NSMCE2: variants seen among roughly 807,000 people sequenced by gnomAD.
The protein encoded by NSMCE2 is NSE2 SUMO ligase component of SMC5/6 complex.
Under a neutral mutation model 23.8 loss-of-function variants are expected in NSMCE2, and 24 were observed. The ratio of observed to expected loss-of-function variants is 1.01; its 90% CI spans 0.73 to 1.42. NSMCE2 has a LOEUF of 1.42. NSMCE2 is among the 40% of genes most tolerant of loss of function. NSMCE2 has a pLI of 0.00. For missense variants in NSMCE2, 284 were observed against 296.5 expected (o/e 0.96, Z 0.31); for synonymous variants, 92 against 94.1 (o/e 0.98, Z 0.13).
intron 5 of NSMCE2, among the ~76,000 whole-genome samples, chr8:125,223,163 C>G (rs1282352116): frequency 6.6e-6 from 1 of 151,850 alleles, no homozygotes; most frequent in African/African-American, 2.4e-5. Flanking sequence ...TGAGACCAAC[C>G]TGAGCAACAT....
intron 1 of NSMCE2, among the ~76,000 whole-genome samples, chr8:125,096,522 T>A (rs1308086759): frequency 6.6e-6 from 1 of 152,070 alleles, no homozygotes; most frequent in East Asian, 1.9e-4. Context: ...ATTTTTTTCT[T>A]GAGTTTCTAG....
chr8:125,144,973 A>G (rs1397831278), intron 3 of NSMCE2, among the ~76,000 whole-genome samples: 1 of 152,174 alleles, frequency 6.6e-6, no homozygotes, highest in Non-Finnish European at 1.5e-5. Flanking sequence ...GACTGCTTAG[A>G]TTGCATAATT....
intron 5 of NSMCE2, among the ~76,000 whole-genome samples, chr8:125,246,681 G>A (rs1825976514): frequency 6.6e-6 from 1 of 152,182 alleles, no homozygotes; most frequent in South Asian, 2.1e-4. Flanking sequence ...GCATGGAAAT[G>A]TCTTGTGAAA....
At chr8:125,255,607 G>A (rs1826372715) in intron 5 of NSMCE2, among the ~76,000 whole-genome samples, 1 of 152,164 alleles carries the variant, frequency 6.6e-6, no homozygotes, top group Non-Finnish European at 1.5e-5. Flanking sequence ...GAGCACTTAG[G>A]TGTTGCTGGA....
At chr8:125,210,026 A>G (rs968422151) in intron 5 of NSMCE2, among the ~76,000 whole-genome samples, 6 of 152,218 alleles carry the variant, frequency 3.9e-5, no homozygotes, top group Non-Finnish European at 8.8e-5. Context: ...TCTCTACAGA[A>G]TAGTCACAGT....
At chr8:125,110,014 C>A (rs1352607871) in intron 3 of NSMCE2, among the ~76,000 whole-genome samples, 1 of 151,946 alleles carries the variant, frequency 6.6e-6, no homozygotes, top group African/African-American at 2.4e-5. Flanking sequence ...ACCTAATTAA[C>A]TGGAATTATT....
intron 5 of NSMCE2, among the ~76,000 whole-genome samples, chr8:125,240,846 A>G (rs1825740408): frequency 1.3e-5 from 2 of 152,194 alleles, no homozygotes; most frequent in Admixed American, 1.3e-4. Flanking sequence ...AAAAAAAGGT[A>G]TATAAACACA....
chr8:125,137,740 A>G (rs1371319592), intron 3 of NSMCE2, among the ~76,000 whole-genome samples: 2 of 152,222 alleles, frequency 1.3e-5, no homozygotes, highest in African/African-American at 4.8e-5. Context: ...GTTATTTAAT[A>G]GGTCCTGATT....
intron 5 of NSMCE2, among the ~76,000 whole-genome samples, chr8:125,347,710 A>G (rs1298333528): frequency 3.3e-5 from 5 of 152,218 alleles, no homozygotes; most frequent in Admixed American, 1.3e-4. Flanking sequence ...GTGGGTATAG[A>G]CAGTGGATAT....
chr8:125,234,872 C>A (rs1355251381), intron 5 of NSMCE2, among the ~76,000 whole-genome samples: 2 of 152,154 alleles, frequency 1.3e-5, no homozygotes, highest in African/African-American at 2.4e-5. Flanking sequence ...CGCCTAATCC[C>A]CACCCCATCC....
In NSMCE2 at chr8:125,366,780, T is replaced by C. The variant is rs759934106; in HGVS notation, c.639T>C (p.Ile213=). ...KRKKKAYCPQ[I]GCSHTDIRKS... ...TTCTTTCTCACAGTTGCCCTCAAATTGGCTGTAGCCACACGGATATAAGAA... is the reference window on the plus strand; with the variant it reads ...TTCTTTCTCACAGTTGCCCTCAAATCGGCTGTAGCCACACGGATATAAGAA... The change falls in exon 8 of 8, where the codon ATT becomes ATC. Residue 213 remains isoleucine, a synonymous_variant. Coordinates refer to ENST00000287437, the MANE Select transcript of NSMCE2 (RefSeq NM_173685.4). 2.5e-6 allele frequency: 4 copies of C among 1,607,430 alleles called. No homozygotes were observed. In the South Asian group the frequency reaches 4.4e-5, roughly 18 times the overall value.
intron 4 of NSMCE2, among the ~76,000 whole-genome samples, chr8:125,171,532 G>A (rs1822205358): frequency 6.6e-6 from 1 of 152,122 alleles, no homozygotes; most frequent in African/African-American, 2.4e-5. Context: ...TTGGGGGAGG[G>A]TTAAATAAAA....
intron 5 of NSMCE2, among the ~76,000 whole-genome samples, chr8:125,240,137 T>G (rs1402486126): frequency 6.6e-6 from 1 of 151,278 alleles, no homozygotes; most frequent in Non-Finnish European, 1.5e-5. Context: ...TTTCTTTTTT[T>G]TTTTTTGAGA....
At chr8:125,101,498 T>C (rs1818187342) in intron 1 of NSMCE2, among the ~76,000 whole-genome samples, 1 of 152,208 alleles carries the variant, frequency 6.6e-6, no homozygotes, top group Non-Finnish European at 1.5e-5. Context: ...AAATACCCCT[T>C]TTTCTGCTGC....
intron 5 of NSMCE2, 115 bp from the exon 6 acceptor site, chr8:125,357,104 C>G: frequency 1.5e-6 from 1 of 671,074 alleles, no homozygotes; most frequent in Non-Finnish European, 2.6e-6. Flanking sequence ...CCAGTCCTTA[C>G]ATGGGGGCCA....
At chr8:125,105,211 T>C (rs1818398875) in intron 3 of NSMCE2, among the ~76,000 whole-genome samples, 1 of 152,238 alleles carries the variant, frequency 6.6e-6, no homozygotes, top group Admixed American at 6.5e-5. Context: ...CATACAGTTA[T>C]TCATTTACGG....
chr8:125,250,047 T>G (rs901800435), intron 5 of NSMCE2, among the ~76,000 whole-genome samples: 1 of 152,238 alleles, frequency 6.6e-6, no homozygotes, highest in African/African-American at 2.4e-5. Flanking sequence ...TGGAGTGCAA[T>G]GGCGCAATCT....
At chr8:125,121,741 G>C (rs1471313574) in intron 3 of NSMCE2, among the ~76,000 whole-genome samples, 1 of 152,072 alleles carries the variant, frequency 6.6e-6, no homozygotes, top group Admixed American at 6.6e-5. Context: ...TGTTATAAAT[G>C]CCTTATGTGT....
chr8:125,363,943 G>GTTTGT (rs545308641), intron 7 of NSMCE2, among the ~76,000 whole-genome samples: 6 of 150,788 alleles, frequency 4.0e-5, no homozygotes, highest in African/African-American at 1.2e-4. Context: ...CTTTTTTTTT[G>GTTTGT]TTTGTTTTGT....
Sources: allele counts gnomAD v4.1 joint callset (sites outside exome capture counted in the v4.1 genomes callset), GRCh38; gene constraint gnomAD v4.1.1; transcripts MANE v1.5; gene names NCBI Gene and HGNC (gene_info 2026-07-23, HGNC 2026-07-21).